Variants in CATSPERE observed in about 807,000 individuals in gnomAD.
CATSPERE encodes catsper channel auxiliary subunit epsilon.
Under a neutral mutation model 114.1 loss-of-function variants are expected in CATSPERE, and 93 were observed. The ratio of observed to expected loss-of-function variants is 0.81; its 90% confidence interval spans 0.69 to 0.97. The LOEUF (loss-of-function observed/expected upper bound fraction) is 0.97. CATSPERE is among the 50% of genes least tolerant of loss of function. CATSPERE has a pLI of 0.00. For missense variants in CATSPERE, 1,058 were observed against 1,131.6 expected, an observed-to-expected ratio of 0.93 and a Z score of 0.93; for synonymous variants, 341 against 384.1, an observed-to-expected ratio of 0.89 and a Z score of 1.31.
upstream of CATSPERE, among the ~76,000 whole-genome samples, chr1:244,460,685 G>C (rs1294038771): frequency 2.0e-5 from 3 of 152,160 alleles, no homozygotes; most frequent in Non-Finnish European, 4.4e-5. Flanking sequence ...AGGCTGAGGC[G>C]GGTGGATCAC....
chr1:244,471,232 A>G (rs760937870), intron 2 of CATSPERE, among the ~76,000 whole-genome samples: 1 of 152,232 alleles, frequency 6.6e-6, no homozygotes, highest in African/African-American at 2.4e-5. Flanking sequence ...ATTAATAATC[A>G]TTCCTTAATG....
At chr1:244,637,275 G>A (rs1364993704) in intron 21 of CATSPERE, among the ~76,000 whole-genome samples, 2 of 152,090 alleles carry the variant, frequency 1.3e-5, no homozygotes, top group Admixed American at 1.3e-4. Flanking sequence ...CCTCCCCACA[G>A]TCTGCTGCAT....
intron 6 of CATSPERE, among the ~76,000 whole-genome samples, chr1:244,495,329 T>G (rs1480905335): frequency 6.6e-6 from 1 of 152,040 alleles, no homozygotes; most frequent in Non-Finnish European, 1.5e-5. Flanking sequence ...GAAAAAGGGG[T>G]GATGTTTTAA....
At chr1:244,593,358 G>A in intron 15 of CATSPERE, 37 bp from the exon 16 acceptor site, 1 of 1,607,346 alleles carries the variant, frequency 6.2e-7, no homozygotes, top group South Asian at 1.1e-5. Context: ...AGTTTGAAAA[G>A]AGGAAAGAGA....
At chr1:244,601,080 G>A (rs910375464) in intron 17 of CATSPERE, among the ~76,000 whole-genome samples, 1 of 152,034 alleles carries the variant, frequency 6.6e-6, no homozygotes, top group African/African-American at 2.4e-5. Context: ...AAAGAAAGTA[G>A]GCATATTTTA....
intron 20 of CATSPERE, among the ~76,000 whole-genome samples, chr1:244,618,282 G>A (rs200219192): frequency 6.6e-6 from 1 of 152,158 alleles, no homozygotes; most frequent in Non-Finnish European, 1.5e-5. Context: ...TCTATGGCTT[G>A]TGGAGTCGCA....
chr1:244,477,808 G>T, intron 3 of CATSPERE, 98 bp from the exon 4 acceptor site: 1 of 1,031,482 alleles, frequency 9.7e-7, no homozygotes, highest in Non-Finnish European at 1.5e-6. Flanking sequence ...TCTCTTATCA[G>T]CATACAATTG....
At chr1:244,508,125 T>C (rs1187551479) in intron 7 of CATSPERE, among the ~76,000 whole-genome samples, 1 of 152,154 alleles carries the variant, frequency 6.6e-6, no homozygotes, top group Non-Finnish European at 1.5e-5. Flanking sequence ...TCCATTTGTT[T>C]ATGTCATCTT....
chr1:244,571,608 G>A (rs1039373345), intron 10 of CATSPERE, among the ~76,000 whole-genome samples: 3 of 152,188 alleles, frequency 2.0e-5, no homozygotes, highest in African/African-American at 7.2e-5. Context: ...TCACCTCCAT[G>A]TCTTCATTCC....
At position 244,560,842 on chromosome 1, in the gene CATSPERE, G is replaced by C. The variant is rs147223517; in HGVS notation, c.1204G>C (p.Glu402Gln). 1 of 1,613,954 alleles carries C rather than the reference G, an allele frequency of 6.2e-7. No homozygotes were observed. The highest frequency in any genetic ancestry group is 1.3e-5 in the African/African-American group (1 of 74,910). ...DRVEYTGHPL[E>Q]IAVFLNYCTV... ...GGTTGAGTATACAGGACACCCTCTG[G>C]AGATTGCTGTGTTTTTAAATTATTG... The change falls in exon 10 of 22, where the codon GAG (glutamate) becomes CAG (glutamine). Residue 402 changes from glutamate to glutamine, a missense_variant. Physicochemically the swap from Glu to Gln is conservative, Grantham distance 29 (BLOSUM62 2). Coordinates refer to ENST00000366534, the MANE Select transcript of CATSPERE (RefSeq NM_001130957.2).
At chr1:244,520,835 A>G (rs1331547689) in intron 8 of CATSPERE, among the ~76,000 whole-genome samples, 1 of 152,240 alleles carries the variant, frequency 6.6e-6, no homozygotes, top group Non-Finnish European at 1.5e-5. Flanking sequence ...CCCAAAAAAT[A>G]CATATAGAAC....
chr1:244,462,900 G>A (rs1278675152), intron 1 of CATSPERE, among the ~76,000 whole-genome samples: 1 of 152,170 alleles, frequency 6.6e-6, no homozygotes, highest in Admixed American at 6.5e-5. Context: ...AGCAATTCCA[G>A]TTGCAATTAG....
chr1:244,520,457 T>C lies in CATSPERE; in HGVS notation c.536+1759T>C, dbSNP rs569252036. ...AGTCAGTTAAGAGTGAATGTGACAGTATATTTCTGGATTTTTAAATTCTAT... is the reference window on the plus strand; with the variant it reads ...AGTCAGTTAAGAGTGAATGTGACAGCATATTTCTGGATTTTTAAATTCTAT... On this transcript the variant is annotated intron_variant, in intron 8 of 21. Transcript: ENST00000366534. Among the ~76,000 whole-genome samples the C allele has an allele frequency of 3.3e-5, 5 of 152,328 alleles. No homozygotes were observed. In the East Asian group the frequency reaches 9.6e-4, roughly 29 times the overall value.
intron 19 of CATSPERE, among the ~76,000 whole-genome samples, chr1:244,613,287 G>A (rs1670972168): frequency 6.6e-6 from 1 of 152,004 alleles, no homozygotes; most frequent in Admixed American, 6.6e-5. Context: ...TTCAAGTGGG[G>A]ATACATCAAA....
chr1:244,543,602 A>G (rs1659226981), intron 8 of CATSPERE, among the ~76,000 whole-genome samples: 1 of 147,292 alleles, frequency 6.8e-6, no homozygotes, highest in South Asian at 2.1e-4. Flanking sequence ...ACAGTAATAT[A>G]TATGTATTTT....
chr1:244,619,240 TTATAA>T (rs2148711500), intron 20 of CATSPERE, among the ~76,000 whole-genome samples: 1 of 152,304 alleles, frequency 6.6e-6, no homozygotes, highest in East Asian at 1.9e-4. Flanking sequence ...AGCTGACTGA[TTATAA>T]ATAGAGAATG....
intron 13 of CATSPERE, 140 bp from the exon 14 acceptor site, chr1:244,588,342 G>C (rs138865332): frequency 1.6e-6 from 1 of 636,878 alleles, no homozygotes; most frequent in African/African-American, 1.8e-5. Context: ...GAAGAAAACA[G>C]TGCAGAGCAG....
In CATSPERE at chr1:244,499,011, G is replaced by T. The variant is rs548400080; in HGVS notation, c.361G>T (p.Val121Leu). The change falls in exon 7 of 22, where the codon GTG (valine) becomes TTG (leucine). Residue 121 changes from valine (V) to leucine (L), a missense_variant. Physicochemically the swap from Val to Leu is conservative, Grantham distance 32 (BLOSUM62 1). Around this residue, in one of 2 missense-constraint regions of CATSPERE, gnomAD observed 271 missense variants for 225.9 expected, o/e 1.20. Transcript: ENST00000366534. ...AAATTTTATTTTCTAGCTTATCACT[G>T]TGTGGGCATATGATCCAGAAAGTGC... ...FFNNFTQLITVWAYDPESADP... is the reference protein window; with the variant it reads ...FFNNFTQLITLWAYDPESADP... 3 of 1,611,814 alleles carry T rather than the reference G, an allele frequency of 1.9e-6. No homozygotes were observed. The highest frequency in any genetic ancestry group is 2.7e-5 in the African/African-American group (2 of 74,998).
chr1:244,550,392 G>T (rs139842258), intron 8 of CATSPERE, among the ~76,000 whole-genome samples: 1 of 152,102 alleles, frequency 6.6e-6, no homozygotes, highest in Non-Finnish European at 1.5e-5. Context: ...TCTGAAAAGC[G>T]TATAGTCACA....
Sources: allele counts gnomAD v4.1 joint callset (sites outside exome capture counted in the v4.1 genomes callset), GRCh38; gene constraint gnomAD v4.1.1; regional missense constraint gnomAD v4.1.1; transcripts MANE v1.5; gene names NCBI Gene and HGNC (gene_info 2026-07-23, HGNC 2026-07-21).